FAM131B: variants seen among roughly 807,000 people sequenced by gnomAD.
FAM131B encodes protein FAM131B.
In FAM131B, 19 loss-of-function variants were observed where a neutral mutation model predicts 42.0. The observed-to-expected ratio is 0.45, with a 90% CI of 0.32 to 0.66. The LOEUF is 0.66. Ranked by LOEUF, FAM131B falls within the 30% of genes least tolerant of loss-of-function variation. The pLI, the probability that FAM131B is intolerant of heterozygous loss-of-function variation, is 0.05. For missense variants in FAM131B, 370 were observed against 468.4 expected, an observed-to-expected ratio of 0.79 and a Z score of 1.94; for synonymous variants, 183 against 177.6, an observed-to-expected ratio of 1.03 and a Z score of -0.24.
chr7:143,379,688 C>G, the FAM131B span: 1 of 152,326 alleles, frequency 6.6e-6, no homozygotes, highest in Admixed American at 6.5e-5. Context: ...AGTCATATAG[C>G]GCATACAGCT....
Position 143,358,755 on chromosome 7 carries a change from G to T in FAM131B, c.466+72C>A. On this transcript the variant is annotated intron_variant, in intron 5 of 6. Coordinates refer to ENST00000443739, the MANE Select transcript of FAM131B (RefSeq NM_001031690.3). The surrounding 1 kb of genome is among the most constrained non-coding windows in gnomAD (Gnocchi z 4.7). ...TATGGATGGAGCTAATCCTGCCACA[G>T]GGGATCAGGTTGGAGGGTCGGTCCC... 3 of 1,204,200 alleles carry T rather than the reference G, an allele frequency of 2.5e-6. No individual in the cohort carries two copies. The South Asian group carries it at 3.8e-5, about 15-fold the overall frequency. 74.6% of individuals were successfully genotyped at this position (1,204,200 alleles called of 1,614,324 possible). A position where few individuals can be genotyped will look rare whatever the true frequency, so the allele number is the denominator to read the frequency against.
rs779359803 is a variant in FAM131B at position 143,358,598 on chromosome 7, G to A, written c.466+229C>T. Among the ~76,000 whole-genome samples the A allele has an allele frequency of 7.2e-5, 11 of 152,214 alleles. No homozygotes were observed. The highest frequency in any genetic ancestry group is 1.5e-4 in the Non-Finnish European group (10 of 68,042). On this transcript the variant is annotated intron_variant, in intron 5 of 6. Coordinates refer to ENST00000443739, the MANE Select transcript of FAM131B (RefSeq NM_001031690.3). The surrounding 1 kb of genome is among the most constrained non-coding windows in gnomAD (Gnocchi z 4.7). ...TGAGGAGAGAAGGCATCTGGGATGGGTGGACCCACAAATCCCATCTAATTA... is the reference window on the plus strand; with the variant it reads ...TGAGGAGAGAAGGCATCTGGGATGGATGGACCCACAAATCCCATCTAATTA...
the FAM131B span, chr7:143,382,179 G>A: frequency 2.2e-6 from 3 of 1,361,422 alleles, no homozygotes; most frequent in South Asian, 3.7e-5. Context: ...GGTTAGAGCG[G>A]TTAACTGAGG....
chr7:143,376,108 T>C, the FAM131B span, among the ~76,000 whole-genome samples: 1 of 152,206 alleles, frequency 6.6e-6, no homozygotes, highest in African/African-American at 2.4e-5. Context: ...GCTCCCTGGA[T>C]GCCTTATGTA....
rs765119943 is a variant in FAM131B at position 143,357,308 on chromosome 7, G to T, written c.582C>A (p.Asp194Glu). The change falls in exon 6 of 7, where the codon GAC (aspartate) becomes GAA (glutamate). Residue 194 changes from aspartate to glutamate, a missense_variant. Transcript: ENST00000443739. ...GACTGTCCATCAGTTCCTGGTAGTT[G>T]TCACTGTAGTTGCAGCCCAATGGCT... ...TQEPLGCNYS[D>E]NYQELMDSQD... 2 of 1,614,180 alleles carry T rather than the reference G, an allele frequency of 1.2e-6. No homozygotes were observed. Among genetic ancestry groups the T allele is most frequent in the Non-Finnish European group, 1.7e-6 (2 of 1,180,020 alleles).
In FAM131B at chr7:143,358,781, T is replaced by C. The variant is rs1009092939; in HGVS notation, c.466+46A>G. On this transcript the variant is annotated intron_variant, in intron 5 of 6. Transcript: ENST00000443739. This position sits in a 1 kb window ranked among gnomAD's most constrained non-coding sequence, Gnocchi z 4.7. ...GGGATCAGGTTGGAGGGTCGGTCCCTGGCCATCCTGCAAATGTGTCTCTTG... is the reference window on the plus strand; with the variant it reads ...GGGATCAGGTTGGAGGGTCGGTCCCCGGCCATCCTGCAAATGTGTCTCTTG... 14 of 1,541,244 alleles carry C rather than the reference T, an allele frequency of 9.1e-6. No individual in the cohort carries two copies. The highest frequency in any genetic ancestry group is 6.8e-5 in the African/African-American group (5 of 73,630).
upstream of FAM131B, among the ~76,000 whole-genome samples, chr7:143,366,654 T>G (rs1804188431): frequency 1.3e-5 from 2 of 150,828 alleles, no homozygotes; most frequent in Non-Finnish European, 3.0e-5. Flanking sequence ...ACCTCCCAAG[T>G]TCAAGCAATT....
At chr7:143,380,901 C>G in the FAM131B span, 2 of 590,944 alleles carry the variant, frequency 3.4e-6, no homozygotes, top group South Asian at 7.3e-5. This position sits in a 1 kb window ranked among gnomAD's most constrained non-coding sequence, Gnocchi z 5.0. Flanking sequence ...GAGGAGGTCG[C>G]TGGGCCGGGC....
At chr7:143,379,407 A>G in the FAM131B span, among the ~76,000 whole-genome samples, 4 of 152,366 alleles carry the variant, frequency 2.6e-5, no homozygotes, top group South Asian at 2.1e-4. Context: ...ATGGCCACAC[A>G]TGCCTGTGGC....
At chr7:143,371,586 C>A in the FAM131B span, among the ~76,000 whole-genome samples, 1 of 140,958 alleles carries the variant, frequency 7.1e-6, no homozygotes, top group African/African-American at 2.7e-5. Context: ...TGCACTCCAG[C>A]CTGGGCAACA....
chr7:143,381,246 T>A, the FAM131B span: 1 of 1,023,772 alleles, frequency 9.8e-7, no homozygotes, highest in East Asian at 9.5e-5. Flanking sequence ...GCTCCTTGTA[T>A]GGTCTGGGCG....
chr7:143,377,000 G>T, the FAM131B span, among the ~76,000 whole-genome samples: 1 of 152,054 alleles, frequency 6.6e-6, no homozygotes, highest in African/African-American at 2.4e-5. Flanking sequence ...ACACACAGTC[G>T]CATTCCTCGC....
chr7:143,363,382 G>A (rs946920814), upstream of FAM131B, among the ~76,000 whole-genome samples: 4 of 152,086 alleles, frequency 2.6e-5, no homozygotes, highest in Non-Finnish European at 4.4e-5. Context: ...AATATGAGGA[G>A]GACAGTTCAT....
chr7:143,366,582 G>C (rs1162162353), upstream of FAM131B, among the ~76,000 whole-genome samples: 1 of 144,614 alleles, frequency 6.9e-6, no homozygotes, highest in Non-Finnish European at 1.5e-5. Flanking sequence ...TTTTGAGACA[G>C]AGTCTCACTC....
the FAM131B span, chr7:143,380,744 G>A: frequency 1.0e-6 from 1 of 985,442 alleles, no homozygotes; most frequent in Non-Finnish European, 1.2e-6. This position sits in a 1 kb window ranked among gnomAD's most constrained non-coding sequence, Gnocchi z 5.0. Context: ...TCAGCTGGGG[G>A]GTGCTGGGAG....
chr7:143,369,446 G>C, the FAM131B span, among the ~76,000 whole-genome samples: 1 of 152,116 alleles, frequency 6.6e-6, no homozygotes, highest in African/African-American at 2.4e-5. Flanking sequence ...AGGCCGAGGA[G>C]GGTGAATCAC....
the FAM131B span, among the ~76,000 whole-genome samples, chr7:143,373,646 A>G: frequency 1.3e-5 from 2 of 152,174 alleles, no homozygotes; most frequent in Admixed American, 6.5e-5. Flanking sequence ...ATGCTCAAAA[A>G]AGAGGAATGC....
At chr7:143,381,709 T>A in the FAM131B span, 1 of 1,602,532 alleles carries the variant, frequency 6.2e-7, no homozygotes, top group Admixed American at 1.7e-5. Context: ...ACAGCGAGCC[T>A]CCCCCGGCAC....
At position 143,359,278 on chromosome 7, in the gene FAM131B, C is replaced by CT; in HGVS notation, c.268+47dup. 1 of 1,431,974 alleles carries CT rather than the reference C, an allele frequency of 7.0e-7. No individual in the cohort carries two copies. Among genetic ancestry groups the CT allele is most frequent in the Middle Eastern group, 1.8e-4 (1 of 5,714 alleles). 88.7% of individuals were successfully genotyped at this position (1,431,974 alleles called of 1,614,324 possible). On this transcript the variant is annotated intron_variant, in intron 4 of 6. Transcript: ENST00000443739. This position sits in a 1 kb window ranked among gnomAD's most constrained non-coding sequence, Gnocchi z 5.4. ...GAGCAGGGAGACTGAGCCAAGGAGT[C>CT]TGTCAGCATTATTTTGTCTGAAGGC...
Sources: allele counts gnomAD v4.1 joint callset (sites outside exome capture counted in the v4.1 genomes callset), GRCh38; gene constraint gnomAD v4.1.1; non-coding constraint Gnocchi (gnomAD v3.1); transcripts MANE v1.5; gene names NCBI Gene and HGNC (gene_info 2026-07-23, HGNC 2026-07-21).